The following PRSS55 variants were observed in gnomAD, a reference collection of about 807,000 sequenced individuals.
PRSS55 encodes the protein serine protease 55.
In PRSS55, 41 loss-of-function variants were observed where a neutral mutation model predicts 23.6. The ratio of observed to expected loss-of-function variants is 1.74; its 90% CI spans 1.35 to 2.26. PRSS55 has a LOEUF of 2.26. Ranked by LOEUF, PRSS55 falls within the 30% of genes most tolerant of loss-of-function variation. The pLI, the probability that PRSS55 is intolerant of heterozygous loss-of-function variation, is 0.00. For synonymous variants in PRSS55, 262 were observed against 175.5 expected (o/e 1.49, Z -3.90); for missense variants, 669 against 439.1 (o/e 1.52, Z -4.68).
At chr8:10,539,581 T>G (rs923304908), downstream of PRSS55, among the ~76,000 whole-genome samples, 1 of 152,230 alleles carries the variant, frequency 6.6e-6, no homozygotes, top group Non-Finnish European at 1.5e-5. Flanking sequence ...CCACGTGTTG[T>G]GGGAGGGACC....
At chr8:10,547,096 C>T (rs55700180) in intron 4 of PRSS55, among the ~76,000 whole-genome samples, 81,879 of 151,668 alleles carry the variant, frequency 0.54, 23,833 homozygotes, top group South Asian at 0.7. Context: ...CTTCACGGAG[C>T]CATGACATCC....
At chr8:10,547,227 G>A (rs560861416) in intron 4 of PRSS55, among the ~76,000 whole-genome samples, 15 of 152,286 alleles carry the variant, frequency 9.8e-5, no homozygotes, top group South Asian at 2.1e-4. Context: ...CCGCCGAGGG[G>A]TGAGCGTAGT....
At chr8:10,547,590 A>G (rs546070916) in intron 4 of PRSS55, 1 of 152,062 alleles carries the variant, frequency 6.6e-6, no homozygotes, top group Non-Finnish European at 1.5e-5. Flanking sequence ...GCTCCGGCCA[A>G]CCCCGTTAGC....
chr8:10,531,916 A>G (rs1325278858), intron 3 of PRSS55, among the ~76,000 whole-genome samples: 1 of 152,230 alleles, frequency 6.6e-6, no homozygotes, highest in Non-Finnish European at 1.5e-5. Context: ...ACCCTGGGCT[A>G]GGCTCTGACG....
chr8:10,547,735 C>A (rs1243871520), intron 4 of PRSS55: 1 of 140,524 alleles, frequency 7.1e-6, no homozygotes, highest in Non-Finnish European at 1.6e-5. Flanking sequence ...CCCCACCCCC[C>A]GCCCCGCCCC....
intron 4 of PRSS55, among the ~76,000 whole-genome samples, chr8:10,549,986 C>T (rs1337196654): frequency 6.6e-6 from 1 of 152,176 alleles, no homozygotes; most frequent in East Asian, 1.9e-4. Context: ...GTGCTGTGAT[C>T]TCAGCTCACT....
In PRSS55 at chr8:10,538,628, G is replaced by A; in HGVS notation, c.894G>A (p.Val298=). ...LVNYNLWIEK[V]TQLEGRPFNA... ...ACTACAACCTCTGGATCGAGAAAGTGACCCAGCTAGAGGGCAGGCCCTTCA... is the reference window on the plus strand; with the variant it reads ...ACTACAACCTCTGGATCGAGAAAGTAACCCAGCTAGAGGGCAGGCCCTTCA... Residue 298 remains valine (V), a synonymous_variant, in exon 5 of 5, where the codon GTG becomes GTA. Transcript: ENST00000328655. 6.2e-7 allele frequency: 1 copy of A among 1,614,152 alleles called. No individual in the cohort carries two copies. The highest frequency in any genetic ancestry group is 8.5e-7 in the Non-Finnish European group (1 of 1,180,016).
At chr8:10,550,338 T>G (rs1295903692) in intron 4 of PRSS55, among the ~76,000 whole-genome samples, 1 of 152,194 alleles carries the variant, frequency 6.6e-6, no homozygotes, top group Non-Finnish European at 1.5e-5. Flanking sequence ...AGGCTGGTTA[T>G]GGCCAAGTCA....
chr8:10,529,343 T>A (rs73662852), intron 1 of PRSS55, 164 bp from the exon 2 acceptor site: 46,943 of 684,406 alleles, frequency 0.069, 2,339 homozygotes, highest in African/African-American at 0.19. Context: ...TGCCGGCTGA[T>A]GTCACAAGGG....
chr8:10,531,671 A>T, intron 3 of PRSS55, 126 bp downstream of exon 3: 2 of 1,369,228 alleles, frequency 1.5e-6, no homozygotes, highest in Non-Finnish European at 2.0e-6. Context: ...GGAGTCTCAC[A>T]GTGCCCAAAG....
At chr8:10,530,023 G>A (rs900273358) in intron 2 of PRSS55, among the ~76,000 whole-genome samples, 6 of 152,194 alleles carry the variant, frequency 3.9e-5, no homozygotes, top group African/African-American at 1.4e-4. Context: ...GTCCATCTAG[G>A]GGGAAATCCT....
intron 2 of PRSS55, 60 bp from the exon 3 acceptor site, chr8:10,531,235 T>C (rs1364956104): frequency 5.6e-6 from 9 of 1,596,200 alleles, no homozygotes; most frequent in African/African-American, 1.3e-5. Flanking sequence ...CAGCCAATTC[T>C]GCCGCTTTTG....
At chr8:10,534,862 G>A (rs1297039479) in intron 4 of PRSS55, among the ~76,000 whole-genome samples, 1 of 152,182 alleles carries the variant, frequency 6.6e-6, no homozygotes, top group African/African-American at 2.4e-5. Context: ...AGCAACTTCA[G>A]CAAAGTTTCG....
In PRSS55 at chr8:10,532,962, T is replaced by C. The variant is rs1393028989; in HGVS notation, c.655T>C (p.Trp219Arg). 5 of 1,614,068 alleles carry C rather than the reference T, an allele frequency of 3.1e-6. No individual in the cohort carries two copies. Among genetic ancestry groups the C allele is most frequent in the African/African-American group, 1.3e-5 (1 of 74,928 alleles). Reference protein sequence around the residue: ...LMKAPMVIMDWEECSKMFPKL... With the variant: ...LMKAPMVIMDREECSKMFPKL... ...GAAAGCGCCAATGGTCATCATGGACTGGGAGGAGTGTTCAAAGATGTTTCC... is the reference window on the plus strand; with the variant it reads ...GAAAGCGCCAATGGTCATCATGGACCGGGAGGAGTGTTCAAAGATGTTTCC... Residue 219 changes from tryptophan (W) to arginine (R), a missense_variant, in exon 4 of 5, where the codon TGG becomes CGG. By Grantham distance (101) the Trp-to-Arg change is moderately radical. Transcript: ENST00000328655.
intron 4 of PRSS55, among the ~76,000 whole-genome samples, chr8:10,544,264 TATAAA>T (rs1812753221): frequency 6.6e-6 from 1 of 152,230 alleles, no homozygotes; most frequent in African/African-American, 2.4e-5. Flanking sequence ...CTTTAGTCAT[TATAAA>T]ATGTCTCCCT....
At chr8:10,534,827 T>C (rs1223807821) in intron 4 of PRSS55, among the ~76,000 whole-genome samples, 1 of 152,226 alleles carries the variant, frequency 6.6e-6, no homozygotes, top group Non-Finnish European at 1.5e-5. Flanking sequence ...CCATAGTCTC[T>C]GCCCAAAGTC....
At position 10,531,278 on chromosome 8, in the gene PRSS55, T is replaced by C. The variant is rs1459354423; in HGVS notation, c.348-17T>C. 1.9e-6 allele frequency: 3 copies of C among 1,612,514 alleles called. No homozygotes were observed. Among genetic ancestry groups the C allele is most frequent in the Middle Eastern group, 1.7e-4 (1 of 6,056 alleles). Reference sequence around the variant, plus strand: ...CCTTCCCCTTCCACTTGCCCCTCTCTGGTTCTCTGCCACCAGTCCAGAAGA... The same window carrying C: ...CCTTCCCCTTCCACTTGCCCCTCTCCGGTTCTCTGCCACCAGTCCAGAAGA... On this transcript the variant is annotated splice_polypyrimidine_tract_variant and intron_variant, in intron 2 of 4. Coordinates refer to ENST00000328655, the MANE Select transcript of PRSS55 (RefSeq NM_198464.4).
intron 1 of PRSS55, 78 bp from the exon 2 acceptor site, chr8:10,529,429 C>A: frequency 6.8e-7 from 1 of 1,466,336 alleles, no homozygotes; most frequent in Non-Finnish European, 9.6e-7. Context: ...CCTGCTCCTC[C>A]CAGCCCGGTC....
At chr8:10,548,674 A>G (rs949308224) in intron 4 of PRSS55, among the ~76,000 whole-genome samples, 3 of 152,020 alleles carry the variant, frequency 2.0e-5, no homozygotes, top group South Asian at 2.1e-4. Context: ...AGCTGTTGGG[A>G]CAGAAGCCCA....
Sources: gnomAD v4.1 joint callset for allele counts (sites outside exome capture counted in the v4.1 genomes callset) on GRCh38, gnomAD v4.1.1 for gene constraint, MANE v1.5 for transcripts, NCBI Gene and HGNC (gene_info 2026-07-23, HGNC 2026-07-21) for gene names.